The following KATNAL2 variants were observed in gnomAD, a reference collection of about 807,000 sequenced individuals.
The protein encoded by KATNAL2 is katanin catalytic subunit A1 like 2, also known as katanin p60 ATPase-containing subunit A-like 2.
In KATNAL2, 52 loss-of-function variants were observed where a neutral mutation model predicts 76.3. The observed-to-expected ratio is 0.68, with a 90% confidence interval of 0.55 to 0.86. The LOEUF (loss-of-function observed/expected upper bound fraction) is 0.86. KATNAL2 is among the 40% of genes least tolerant of loss of function. The pLI, the probability that KATNAL2 is intolerant of heterozygous loss-of-function variation, is 0.00. For synonymous variants in KATNAL2, 243 were observed against 244.2 expected, an observed-to-expected ratio of 1.00 and a Z score of 0.05; for missense variants, 660 against 668.9, an observed-to-expected ratio of 0.99 and a Z score of 0.15.
intron 3 of KATNAL2, among the ~76,000 whole-genome samples, chr18:46,955,060 C>G (rs1274627936): frequency 1.3e-5 from 2 of 152,082 alleles, no homozygotes; most frequent in African/African-American, 4.8e-5. Flanking sequence ...TATCCATTTG[C>G]TTCCCCTGTG....
chr18:46,935,082 C>T lies in KATNAL2; in HGVS notation c.-509-10975C>T, dbSNP rs151187449. On this transcript the variant is annotated intron_variant, in intron 1 of 17. Transcript: ENST00000683218. ...TTTGAGTCAGAACTAACAGAAATGT[C>T]AAACAAAAGGAAACCTACCAGAGCA... Among the ~76,000 whole-genome samples, 798 of 151,892 alleles carry T rather than the reference C, an allele frequency of 5.3e-3. 6 individuals carry two copies. Among genetic ancestry groups the T allele is most frequent in the African/African-American group, 0.018 (741 of 41,410 alleles).
chr18:46,922,183 C>T, intron 1 of KATNAL2, among the ~76,000 whole-genome samples: 1 of 151,288 alleles, frequency 6.6e-6, no homozygotes, highest in Middle Eastern at 3.2e-3. Context: ...TCACTGCAAC[C>T]TTCACCTCCC....
At chr18:46,961,141 G>T (rs922845565) in intron 3 of KATNAL2, among the ~76,000 whole-genome samples, 1 of 152,216 alleles carries the variant, frequency 6.6e-6, no homozygotes, top group Non-Finnish European at 1.5e-5. Flanking sequence ...TTAGGTCAGG[G>T]GTAGATTTTT....
chr18:47,034,579 G>T (rs967841942), intron 3 of KATNAL2: 3 of 1,614,074 alleles, frequency 1.9e-6, no homozygotes, highest in East Asian at 4.5e-5. Context: ...CTGGCGAGAC[G>T]ATTTGTGCCC....
At chr18:46,960,604 G>T (rs942896127) in intron 3 of KATNAL2, among the ~76,000 whole-genome samples, 2 of 152,232 alleles carry the variant, frequency 1.3e-5, no homozygotes, top group East Asian at 3.9e-4. Flanking sequence ...ATACATAGAG[G>T]AAAAACATAT....
intron 3 of KATNAL2, among the ~76,000 whole-genome samples, chr18:46,954,819 T>C (rs1468273290): frequency 6.6e-6 from 1 of 151,972 alleles, no homozygotes; most frequent in African/African-American, 2.4e-5. Flanking sequence ...AATTTTCGTA[T>C]TTTATTTTTA....
chr18:46,937,528 A>G (rs913657264), intron 1 of KATNAL2, among the ~76,000 whole-genome samples: 3 of 151,936 alleles, frequency 2.0e-5, no homozygotes, highest in East Asian at 1.9e-4. Flanking sequence ...GTTAATAATA[A>G]TGTATCAATG....
intron 3 of KATNAL2, among the ~76,000 whole-genome samples, chr18:47,039,789 A>G (rs570433051): frequency 1.1e-4 from 17 of 152,300 alleles, no homozygotes; most frequent in Middle Eastern, 3.4e-3. Flanking sequence ...GTACGAAGCA[A>G]CTAACAGCTA....
At chr18:46,927,382 T>G (rs1390820390) in intron 1 of KATNAL2, among the ~76,000 whole-genome samples, 3 of 152,140 alleles carry the variant, frequency 2.0e-5, no homozygotes, top group Non-Finnish European at 4.4e-5. Flanking sequence ...GGGTCGAAAA[T>G]TCTTTTCTTT....
At chr18:46,958,743 A>G (rs542524093) in intron 3 of KATNAL2, among the ~76,000 whole-genome samples, 18 of 152,366 alleles carry the variant, frequency 1.2e-4, no homozygotes, top group African/African-American at 4.3e-4. Context: ...TCTAAGGCCA[A>G]AGAATTATGT....
chr18:46,959,519 G>C (rs1394093102), intron 3 of KATNAL2, among the ~76,000 whole-genome samples: 2 of 151,982 alleles, frequency 1.3e-5, no homozygotes, highest in Non-Finnish European at 2.9e-5. Context: ...TTCATGTTTT[G>C]TGTGAAAACA....
At chr18:46,940,590 T>C (rs1224841157) in intron 1 of KATNAL2, among the ~76,000 whole-genome samples, 1 of 152,198 alleles carries the variant, frequency 6.6e-6, no homozygotes. Flanking sequence ...CTTGTCATTC[T>C]TGAAAACTCC....
chr18:47,098,933 A>C (rs996153623), intron 15 of KATNAL2: 1 of 233,492 alleles, frequency 4.3e-6, no homozygotes, highest in Non-Finnish European at 8.3e-6. Flanking sequence ...AAGTCGCATA[A>C]AATTACTTCC....
At chr18:46,929,062 C>G (rs2058824527) in intron 1 of KATNAL2, among the ~76,000 whole-genome samples, 1 of 152,100 alleles carries the variant, frequency 6.6e-6, no homozygotes, top group South Asian at 2.1e-4. Context: ...TCCCAAAGTG[C>G]CGGGATTACA....
chr18:47,049,959 G>A (rs1445275218), intron 4 of KATNAL2, among the ~76,000 whole-genome samples: 2 of 152,162 alleles, frequency 1.3e-5, no homozygotes, highest in African/African-American at 4.8e-5. Flanking sequence ...CCTTGAACTT[G>A]TGGTCTCATG....
At chr18:47,045,923 T>C (rs1306698033) in intron 3 of KATNAL2, among the ~76,000 whole-genome samples, 1 of 152,220 alleles carries the variant, frequency 6.6e-6, no homozygotes, top group Non-Finnish European at 1.5e-5. Flanking sequence ...GTTGTCCTTT[T>C]ATGGCCTCTG....
At chr18:46,937,025 G>A (rs2059113875) in intron 1 of KATNAL2, among the ~76,000 whole-genome samples, 1 of 152,144 alleles carries the variant, frequency 6.6e-6, no homozygotes, top group Non-Finnish European at 1.5e-5. Flanking sequence ...CAATGTGGGA[G>A]GTTTGTGAGG....
intron 3 of KATNAL2, among the ~76,000 whole-genome samples, chr18:46,948,008 C>A (rs185132773): frequency 1.3e-5 from 2 of 152,290 alleles, no homozygotes; most frequent in African/African-American, 4.8e-5. Flanking sequence ...CAGAAACCCC[C>A]GGGATGATTT....
chr18:47,068,378 T>C (rs1161385162), intron 11 of KATNAL2, among the ~76,000 whole-genome samples: 2 of 152,250 alleles, frequency 1.3e-5, no homozygotes, highest in Admixed American at 6.5e-5. Flanking sequence ...TCCCCCTCTT[T>C]CTTTCTGTGT....
Sources: allele counts gnomAD v4.1 joint callset (sites outside exome capture counted in the v4.1 genomes callset), GRCh38; gene constraint gnomAD v4.1.1; transcripts MANE v1.5; gene names NCBI Gene and HGNC (gene_info 2026-07-23, HGNC 2026-07-21).